KIAA1328: variants seen among roughly 807,000 people sequenced by gnomAD.
KIAA1328 encodes the protein protein hinderin.
A neutral mutation model predicts 68.1 loss-of-function variants in KIAA1328; 52 were observed. The ratio of observed to expected loss-of-function variants is 0.76; its 90% CI spans 0.61 to 0.96. The LOEUF is 0.96. Among genes scored for constraint, KIAA1328 ranks in the 40% least tolerant of loss-of-function variants. KIAA1328 has a pLI of 0.00. For missense variants in KIAA1328, 641 were observed against 677.6 expected, an observed-to-expected ratio of 0.95 and a Z score of 0.60; for synonymous variants, 232 against 239.4, an observed-to-expected ratio of 0.97 and a Z score of 0.28.
chr18:36,905,835 T>C (rs2151049369), intron 5 of KIAA1328, among the ~76,000 whole-genome samples: 1 of 152,270 alleles, frequency 6.6e-6, no homozygotes, highest in Admixed American at 6.5e-5. Context: ...TGAGCTCAGA[T>C]TGATGTCTTC....
intron 5 of KIAA1328, among the ~76,000 whole-genome samples, chr18:36,945,749 G>A (rs983168506): frequency 2.0e-5 from 3 of 152,164 alleles, no homozygotes; most frequent in African/African-American, 4.8e-5. Flanking sequence ...ATGCTTAAAA[G>A]TGTGGGTGGG....
At chr18:37,031,696 T>C (rs1054526233) in intron 6 of KIAA1328, among the ~76,000 whole-genome samples, 1 of 152,236 alleles carries the variant, frequency 6.6e-6, no homozygotes, top group East Asian at 1.9e-4. Flanking sequence ...AGTCTAGTTA[T>C]ATCACCTTTT....
At chr18:37,168,008 A>T (rs536328138) in intron 8 of KIAA1328, among the ~76,000 whole-genome samples, 1 of 152,202 alleles carries the variant, frequency 6.6e-6, no homozygotes, top group Non-Finnish European at 1.5e-5. Context: ...TATTGAAAGG[A>T]TTATACATCA....
In KIAA1328 at chr18:37,096,111, G is replaced by A. The variant is rs549116959; in HGVS notation, c.1232+28566G>A. Among the ~76,000 whole-genome samples, 150 of 151,668 alleles carry A rather than the reference G, an allele frequency of 9.9e-4. 1 individual carries two copies. Among genetic ancestry groups the A allele is most frequent in the Admixed American group, 1.7e-3 (26 of 15,230 alleles). On this transcript the variant is annotated intron_variant, in intron 7 of 9. Coordinates refer to ENST00000280020, the MANE Select transcript of KIAA1328 (RefSeq NM_020776.3). Reference sequence around the variant, plus strand: ...TTTTTTTTCTACTTTAAGTTTTAGCGTACATGTGCACAACGTGCAGGTTTT... The same window carrying A: ...TTTTTTTTCTACTTTAAGTTTTAGCATACATGTGCACAACGTGCAGGTTTT...
At chr18:37,191,832 A>G (rs16968629) in intron 9 of KIAA1328, among the ~76,000 whole-genome samples, 42,094 of 152,110 alleles carry the variant, frequency 0.28, 9,367 homozygotes, top group African/African-American at 0.62. Context: ...AGCCATCTAT[A>G]CTTATCAACA....
chr18:37,154,487 CCTTT>C lies in KIAA1328; in HGVS notation c.1233-5712_1233-5709del, dbSNP rs369771155. ...ACTGCAGCAGTCCATCCTTTTCCAT[CCTTT>C]GTTTTCCATCATTATCTCACTAGGA... On this transcript the variant is annotated intron_variant, in intron 7 of 9. Transcript: ENST00000280020. Among the ~76,000 whole-genome samples the C allele has an allele frequency of 1.8e-4, 27 of 152,286 alleles. No individual in the cohort carries two copies. The East Asian group carries it at 4.6e-3, about 26-fold the overall frequency.
rs538507857 is a variant in KIAA1328 at position 36,947,362 on chromosome 18, G to A, written c.449-11946G>A. ...CTGTGCCCAATGTGATTGGGTGACA[G>A]CTTGATTTTATACATTTTAGGGGGA... On this transcript the variant is annotated intron_variant, in intron 5 of 9. Coordinates refer to ENST00000280020, the MANE Select transcript of KIAA1328 (RefSeq NM_020776.3). Among the ~76,000 whole-genome samples the A allele has an allele frequency of 4.6e-5, 7 of 152,290 alleles. No individual in the cohort carries two copies. The South Asian group carries it at 1.5e-3, about 32-fold the overall frequency.
At chr18:36,890,158 G>GT (rs1290453830) in intron 5 of KIAA1328, among the ~76,000 whole-genome samples, 2 of 151,636 alleles carry the variant, frequency 1.3e-5, no homozygotes, top group Non-Finnish European at 2.9e-5. Flanking sequence ...TACATGGGTG[G>GT]TCATTTTAGA....
At chr18:37,138,237 G>A (rs2058688201) in intron 7 of KIAA1328, among the ~76,000 whole-genome samples, 1 of 152,164 alleles carries the variant, frequency 6.6e-6, no homozygotes, top group Non-Finnish European at 1.5e-5. Flanking sequence ...CTATTAATAA[G>A]TTGTTTTATA....
chr18:36,902,907 A>G (rs1236401897), intron 5 of KIAA1328, among the ~76,000 whole-genome samples: 5 of 151,928 alleles, frequency 3.3e-5, no homozygotes, highest in African/African-American at 1.2e-4. Flanking sequence ...TATTTTTTCC[A>G]TTGTTAGGAT....
At chr18:37,177,074 A>G (rs1320854999) in intron 9 of KIAA1328, among the ~76,000 whole-genome samples, 1 of 152,242 alleles carries the variant, frequency 6.6e-6, no homozygotes, top group Non-Finnish European at 1.5e-5. Flanking sequence ...TTAATCAAAA[A>G]GTATACTTGC....
At chr18:37,156,797 T>C (rs933012254) in intron 7 of KIAA1328, among the ~76,000 whole-genome samples, 1 of 152,202 alleles carries the variant, frequency 6.6e-6, no homozygotes, top group Non-Finnish European at 1.5e-5. Flanking sequence ...GAGGCAGGAA[T>C]AGACATCGCT....
At chr18:37,176,676 T>C (rs2154214638) in intron 9 of KIAA1328, among the ~76,000 whole-genome samples, 1 of 152,284 alleles carries the variant, frequency 6.6e-6, no homozygotes, top group East Asian at 1.9e-4. Context: ...TCCCTGTCAT[T>C]CTGAACACCT....
At chr18:36,894,930 C>T (rs1399496888) in intron 5 of KIAA1328, among the ~76,000 whole-genome samples, 5 of 152,290 alleles carry the variant, frequency 3.3e-5, no homozygotes, top group Admixed American at 2.6e-4. Flanking sequence ...TTCAAGCCCT[C>T]CATTACTAGT....
At chr18:36,891,119 T>A (rs1479233164) in intron 5 of KIAA1328, among the ~76,000 whole-genome samples, 2 of 152,148 alleles carry the variant, frequency 1.3e-5, no homozygotes, top group Admixed American at 6.6e-5. Flanking sequence ...GACTTTGTAA[T>A]AAATAGTATT....
chr18:37,211,667 C>A (rs1457589548), intron 9 of KIAA1328, among the ~76,000 whole-genome samples: 1 of 152,172 alleles, frequency 6.6e-6, no homozygotes, highest in Non-Finnish European at 1.5e-5. Context: ...TATTGTATAA[C>A]TTATCCTAAT....
At chr18:36,841,941 A>G (rs1313190370) in intron 3 of KIAA1328, among the ~76,000 whole-genome samples, 8 of 146,324 alleles carry the variant, frequency 5.5e-5, no homozygotes, top group Non-Finnish European at 9.1e-5. Context: ...TTTTCCCTCT[A>G]TGGCTCTTCC....
intron 6 of KIAA1328, among the ~76,000 whole-genome samples, chr18:37,057,965 C>T (rs558836968): frequency 4.6e-5 from 7 of 152,226 alleles, no homozygotes; most frequent in East Asian, 1.9e-4. Context: ...GCATCACAGG[C>T]GGTGAACGAA....
chr18:37,067,399 C>G lies in KIAA1328; in HGVS notation c.1086C>G (p.Ile362Met), dbSNP rs1285711452. Residue 362 changes from isoleucine (I) to methionine (M), a missense_variant, in exon 7 of 10, where the codon ATC (isoleucine) becomes ATG (methionine). By Grantham distance (10) the Ile-to-Met change is conservative (BLOSUM62 1). Coordinates refer to ENST00000280020, the MANE Select transcript of KIAA1328 (RefSeq NM_020776.3). ...CCATTGAAACTTTGAAAAAGCAGAT[C>G]TCAGAAGATAGAAAGCAGCAACTGA... ...LQPIETLKKQ[I>M]SEDRKQQLML... 6.2e-7 allele frequency: 1 copy of G among 1,612,568 alleles called. No individual in the cohort carries two copies. The highest frequency in any genetic ancestry group is 1.1e-5 in the South Asian group (1 of 90,836).
Sources: allele counts gnomAD v4.1 joint callset (sites outside exome capture counted in the v4.1 genomes callset), GRCh38; gene constraint gnomAD v4.1.1; transcripts MANE v1.5; gene names NCBI Gene and HGNC (gene_info 2026-07-23, HGNC 2026-07-21).